Variants in NRDE2 observed in about 807,000 individuals in gnomAD.
NRDE2 encodes NRDE-2, necessary for RNA interference, domain containing.
A neutral mutation model predicts 124.2 loss-of-function variants in NRDE2; 76 were observed. That is an observed-to-expected ratio of 0.61 (90% CI 0.51 to 0.74). The LOEUF is 0.74. Ranked by LOEUF, NRDE2 falls within the 30% of genes least tolerant of loss-of-function variation. The pLI is 0.00. For synonymous variants in NRDE2, 489 were observed against 528.1 expected, an observed-to-expected ratio of 0.93 and a Z score of 1.01; for missense variants, 1,314 against 1,417.3, an observed-to-expected ratio of 0.93 and a Z score of 1.17.
At chr14:90,296,375 T>A (rs909033874) in intron 8 of NRDE2, among the ~76,000 whole-genome samples, 9 of 152,188 alleles carry the variant, frequency 5.9e-5, no homozygotes, top group Admixed American at 1.3e-4. Flanking sequence ...GATGAATAGT[T>A]CTCATTCTTT....
At chr14:90,310,042 C>T (rs149597047) in intron 4 of NRDE2, among the ~76,000 whole-genome samples, 2 of 152,184 alleles carry the variant, frequency 1.3e-5, no homozygotes, top group African/African-American at 2.4e-5. Context: ...TATTTGCACA[C>T]CAATTTCCAA....
At chr14:90,321,304 C>T (rs959454532) in intron 1 of NRDE2, among the ~76,000 whole-genome samples, 2 of 151,974 alleles carry the variant, frequency 1.3e-5, no homozygotes, top group Admixed American at 1.3e-4. Flanking sequence ...TACACTCAAG[C>T]GATCCTCCTG....
At chr14:90,311,587 G>A (rs571743789) in intron 4 of NRDE2, among the ~76,000 whole-genome samples, 6 of 152,252 alleles carry the variant, frequency 3.9e-5, no homozygotes, top group East Asian at 1.9e-4. Context: ...CCTCAACCAC[G>A]TGGAACTGTG....
intron 4 of NRDE2, chr14:90,304,633 CTTCTAGATCTTAGTAA>C (rs1168322541): frequency 2.4e-6 from 1 of 413,612 alleles, no homozygotes; most frequent in African/African-American, 2.0e-5. Flanking sequence ...TCATGCCTGT[CTTCTAGATCTTAGTAA>C]TTTCTATTTT....
chr14:90,300,494 T>G (rs771795897), intron 7 of NRDE2, among the ~76,000 whole-genome samples: 2 of 152,060 alleles, frequency 1.3e-5, no homozygotes, highest in Non-Finnish European at 2.9e-5. Context: ...CTTTACAGAG[T>G]AGAAAACTGA....
rs931089534 is a variant in NRDE2 at position 90,273,240 on chromosome 14, C to CAA, written c.*5094_*5095dup. ...TATTAGTTTTCTGTTAATACTATAA[C>CAA]AAGTTACCACAGGCTTTGTTTAAAA... On this transcript the variant is annotated 3_prime_UTR_variant, in exon 14 of 14. Transcript: ENST00000354366. 6.6e-6 allele frequency: 1 copy of CAA among 152,090 alleles called. No homozygotes were observed. Among genetic ancestry groups the CAA allele is most frequent in the Non-Finnish European group, 1.5e-5 (1 of 68,022 alleles). 9.4% of individuals were successfully genotyped at this position (152,090 alleles called of 1,614,324 possible). A position where few individuals can be genotyped will look rare whatever the true frequency, so the allele number is the denominator to read the frequency against.
At chr14:90,315,942 A>G (rs1157870959) in intron 3 of NRDE2, among the ~76,000 whole-genome samples, 2 of 121,716 alleles carry the variant, frequency 1.6e-5, no homozygotes. Flanking sequence ...GGGCAACTGG[A>G]GTGAAACCCC....
Position 90,269,985 on chromosome 14 carries a change from A to G in NRDE2, c.*8351T>C. 1.8e-6 allele frequency: 1 copy of G among 547,166 alleles called. No individual in the cohort carries two copies. Among genetic ancestry groups the G allele is most frequent in the Non-Finnish European group, 3.2e-6 (1 of 316,634 alleles). The allele number at this position is 547,166 out of a possible 1,614,324, so 33.9% of individuals were successfully genotyped here. On this transcript the variant is annotated 3_prime_UTR_variant, in exon 14 of 14. Coordinates refer to ENST00000354366, the MANE Select transcript of NRDE2 (RefSeq NM_017970.4). ...TTTCATTTATTTCTGAAGGTACCAAAGCAGAGAGAGTTTCTTTTAAATGAA... is the reference window on the plus strand; with the variant it reads ...TTTCATTTATTTCTGAAGGTACCAAGGCAGAGAGAGTTTCTTTTAAATGAA...
chr14:90,281,863 G>A (rs1022561790), intron 12 of NRDE2, among the ~76,000 whole-genome samples: 4 of 152,174 alleles, frequency 2.6e-5, no homozygotes, highest in Non-Finnish European at 5.9e-5. Context: ...CTGCTGAGAG[G>A]TTTATTGGTT....
chr14:90,288,742 TA>T lies in NRDE2; in HGVS notation c.2632del (p.Tyr878MetfsTer26). ...AVHILKARKA[Y>X]EHALQDCLGD... ...CAAACAGTCCTGCAGTGCGTGCTCA[TA>T]AGCCTTTCGCGCTTTCAAAATGTGA... On this transcript the variant is annotated frameshift_variant, in exon 11 of 14. Coordinates refer to ENST00000354366, the MANE Select transcript of NRDE2 (RefSeq NM_017970.4). LOFTEE classifies it high-confidence loss of function. The T allele has an allele frequency of 1.2e-6, 2 of 1,614,158 alleles. No individual in the cohort carries two copies. Among genetic ancestry groups the T allele is most frequent in the Non-Finnish European group, 1.7e-6 (2 of 1,180,014 alleles).
chr14:90,307,358 T>C (rs1053012084), intron 4 of NRDE2, among the ~76,000 whole-genome samples: 3 of 152,236 alleles, frequency 2.0e-5, no homozygotes, highest in African/African-American at 4.8e-5. Context: ...TTAATAATTA[T>C]ACAGGACCTA....
intron 5 of NRDE2, 37 bp downstream of exon 5, chr14:90,303,898 C>T (rs1595067357): frequency 6.5e-7 from 1 of 1,539,724 alleles, no homozygotes; most frequent in Non-Finnish European, 8.8e-7. Flanking sequence ...TCAGGAATGT[C>T]CTTCTAAGGT....
rs746349395 is a variant in NRDE2 at position 90,304,265 on chromosome 14, A to T, written c.675T>A (p.Thr225=). The change falls in exon 5 of 14, where the codon ACT becomes ACA. Residue 225 remains threonine (T), a synonymous_variant. Coordinates refer to ENST00000354366, the MANE Select transcript of NRDE2 (RefSeq NM_017970.4). ...HSRKQVERYF[T]KKSVGLMNID... is the part of the protein sequence containing the mutation. The stretch of plus-strand genomic sequence containing the variant: ...TGTTCATTAATCCCACACTCTTCTT[A>T]GTAAAATAGCGTTCAACCTGCTTGC... The T allele has an allele frequency of 6.2e-7, 1 of 1,614,182 alleles. No homozygotes were observed. The highest frequency in any genetic ancestry group is 8.5e-7 in the Non-Finnish European group (1 of 1,180,036).
rs1566678310 is a variant in NRDE2, at chr14:90,275,207, G to C, written c.*3129C>G. ...AGGAGACCAAAGAGATGACAACCAA[G>C]TGCAGCTCCTGCTCCTGAACTGGAT... On this transcript the variant is annotated 3_prime_UTR_variant, in exon 14 of 14. Coordinates refer to ENST00000354366, the MANE Select transcript of NRDE2 (RefSeq NM_017970.4). The C allele has an allele frequency of 6.6e-6, 1 of 152,148 alleles. No individual in the cohort carries two copies. 9.4% of individuals were successfully genotyped at this position (152,148 alleles called of 1,614,324 possible). A position where few individuals can be genotyped will look rare whatever the true frequency, so the allele number is the denominator to read the frequency against.
intron 4 of NRDE2, among the ~76,000 whole-genome samples, chr14:90,305,008 A>G (rs1326674088): frequency 6.6e-6 from 1 of 152,254 alleles, no homozygotes. Flanking sequence ...TAACAAACAC[A>G]TGACTACTGA....
At chr14:90,312,281 C>A (rs1595072325) in intron 4 of NRDE2, 113 bp downstream of exon 4, 2 of 976,966 alleles carry the variant, frequency 2.0e-6, no homozygotes, top group East Asian at 4.9e-5. Context: ...ATAAATAAAA[C>A]CCAACAGAAC....
At chr14:90,282,487 A>AC (rs1002101955) in intron 12 of NRDE2, among the ~76,000 whole-genome samples, 3 of 151,944 alleles carry the variant, frequency 2.0e-5, no homozygotes, top group Non-Finnish European at 4.4e-5. Flanking sequence ...CAAAAAAAAA[A>AC]AACAAAAAAA....
intron 12 of NRDE2, among the ~76,000 whole-genome samples, chr14:90,283,962 C>A (rs560131395): frequency 6.6e-6 from 1 of 152,126 alleles, no homozygotes; most frequent in Admixed American, 6.5e-5. Flanking sequence ...CCGCCCACCT[C>A]GGCCTCCCAA....
chr14:90,317,171 G>A (rs893345494), intron 2 of NRDE2, among the ~76,000 whole-genome samples: 16 of 152,218 alleles, frequency 1.1e-4, no homozygotes, highest in African/African-American at 3.6e-4. Flanking sequence ...AGCACTTTGG[G>A]AGGCCAAGGC....
Sources: gnomAD v4.1 joint callset for allele counts (sites outside exome capture counted in the v4.1 genomes callset) on GRCh38, gnomAD v4.1.1 for gene constraint, MANE v1.5 for transcripts, NCBI Gene and HGNC (gene_info 2026-07-23, HGNC 2026-07-21) for gene names.